KANSL1: variants seen among roughly 807,000 people sequenced by gnomAD.
KANSL1 encodes MLL1/MLL complex subunit KANSL1.
Under a neutral mutation model 103.6 loss-of-function variants are expected in KANSL1, and 22 were observed. That is an observed-to-expected ratio of 0.21 (90% CI 0.15 to 0.30). The LOEUF (loss-of-function observed/expected upper bound fraction) is 0.30, where lower values mean the gene tolerates loss of function less well. Ranked by LOEUF, KANSL1 falls within the 10% of genes least tolerant of loss-of-function variation. The pLI is 1.00. For synonymous variants in KANSL1, 600 were observed against 527.6 expected, an observed-to-expected ratio of 1.14 and a Z score of -1.88; for missense variants, 1,337 against 1,399.8, an observed-to-expected ratio of 0.96 and a Z score of 0.72.
In KANSL1 at chr17:46,034,294, T is replaced by A; in HGVS notation, c.2542-9A>T. 6.2e-7 allele frequency: 1 copy of A among 1,613,072 alleles called. No individual in the cohort carries two copies. The highest frequency in any genetic ancestry group is 8.5e-7 in the Non-Finnish European group (1 of 1,179,662). ...CTCCTTACTGGCTGCTGCTGTAAGA[T>A]AAAAATTAAGTTTAAAAGGAAGGTA... On this transcript the variant is annotated splice_polypyrimidine_tract_variant and intron_variant, in intron 10 of 14. Transcript: ENST00000432791.
At chr17:46,036,742 CG>C (rs1240303188) in intron 10 of KANSL1, among the ~76,000 whole-genome samples, 1 of 149,194 alleles carries the variant, frequency 6.7e-6, no homozygotes, top group Non-Finnish European at 1.5e-5. Context: ...TTTTTTGAGA[CG>C]AAGTCTTGCT....
At chr17:46,197,891 A>G (rs1306066592), upstream of KANSL1, among the ~76,000 whole-genome samples, 2 of 152,256 alleles carry the variant, frequency 1.3e-5, no homozygotes, top group Non-Finnish European at 2.9e-5. Context: ...AGAAATTCCT[A>G]AACAGAATAA....
chr17:46,192,926 G>A lies in KANSL1; in HGVS notation c.-193C>T, dbSNP rs1420433106. 2.6e-5 allele frequency: 4 copies of A among 151,030 alleles called. No homozygotes were observed. The highest frequency in any genetic ancestry group is 9.7e-5 in the African/African-American group (4 of 41,270). 9.4% of individuals were successfully genotyped at this position (151,030 alleles called of 1,614,324 possible). ...GCGCCGAGGGCCAGCGGCGGGCGGG[G>A]GCGCGCGACGGCGGCTCCGGCCCGG... On this transcript the variant is annotated 5_prime_UTR_variant, in exon 1 of 15. Coordinates refer to ENST00000432791, the MANE Select transcript of KANSL1 (RefSeq NM_015443.4).
Position 46,216,430 on chromosome 17 carries a change from C to G in KANSL1, c.-90+7241G>C, listed in dbSNP as rs151246086. On this transcript the variant is annotated intron_variant, in intron 1 of 14. Transcript: ENST00000572904. ...GCCTGGCCAACATGGTGAAACCCATCTCTACTAAAACTACAAAAATTAGCC... is the reference window on the plus strand; with the variant it reads ...GCCTGGCCAACATGGTGAAACCCATGTCTACTAAAACTACAAAAATTAGCC... Among the ~76,000 whole-genome samples the G allele has an allele frequency of 2.0e-5, 3 of 151,970 alleles. No homozygotes were observed. The East Asian group carries it at 5.9e-4, about 30-fold the overall frequency.
intron 6 of KANSL1, among the ~76,000 whole-genome samples, chr17:46,065,088 G>C (rs189392559): frequency 1.3e-5 from 2 of 150,992 alleles, no homozygotes; most frequent in Admixed American, 1.3e-4. Context: ...TGATCCTCCC[G>C]CCTCAGCCTC....
At chr17:46,047,594 G>A (rs2077556184) in intron 7 of KANSL1, among the ~76,000 whole-genome samples, 1 of 151,980 alleles carries the variant, frequency 6.6e-6, no homozygotes, top group South Asian at 2.1e-4. Flanking sequence ...AACCAGCCTG[G>A]GCAATATAGC....
chr17:46,138,226 T>C (rs1332608091), intron 2 of KANSL1, among the ~76,000 whole-genome samples: 1 of 152,202 alleles, frequency 6.6e-6, no homozygotes, highest in Non-Finnish European at 1.5e-5. Context: ...TTGAAGCATT[T>C]TGGGTTTCCA....
rs67725690 is a variant in KANSL1, at chr17:46,105,947, A to ACCCC, written c.1290-11250_1290-11247dup. ...CACACACACACACACACACACACAC[A>ACCCC]CCCCCCCAGAAGGGTGAAGGAGCAG... On this transcript the variant is annotated intron_variant, in intron 2 of 14. Transcript: ENST00000432791. Among the ~76,000 whole-genome samples, 3 of 57,864 alleles carry ACCCC rather than the reference A, an allele frequency of 5.2e-5. No homozygotes were observed. The East Asian group carries it at 8.3e-4, about 16-fold the overall frequency. The allele number at this position is 57,864 out of a possible 152,430, so 38.0% of individuals were successfully genotyped here. A position where few individuals can be genotyped will look rare whatever the true frequency, so the allele number is the denominator to read the frequency against.
intron 2 of KANSL1, chr17:46,121,337 T>C (rs2043270962): frequency 6.6e-6 from 1 of 152,430 alleles, no homozygotes; most frequent in Non-Finnish European, 1.5e-5. Flanking sequence ...AGTTCCCTTT[T>C]CTGTCTATGA....
At chr17:46,154,315 CT>C (rs2045296326) in intron 2 of KANSL1, among the ~76,000 whole-genome samples, 1 of 152,256 alleles carries the variant, frequency 6.6e-6, no homozygotes, top group Non-Finnish European at 1.5e-5. Flanking sequence ...ATATTCCCCC[CT>C]CAGGGTTGCA....
At chr17:46,055,943 G>A (rs916197858) in intron 6 of KANSL1, among the ~76,000 whole-genome samples, 6 of 151,976 alleles carry the variant, frequency 3.9e-5, no homozygotes, top group African/African-American at 1.5e-4. Flanking sequence ...AGAAGAAAAC[G>A]GCTGCATTTC....
At chr17:46,135,561 T>TG (rs1555561612) in intron 2 of KANSL1, among the ~76,000 whole-genome samples, 14,061 of 122,332 alleles carry the variant, frequency 0.11, no homozygotes, top group Middle Eastern at 0.18. Flanking sequence ...TTTTTTTTTT[T>TG]GAGACAGAGT....
chr17:46,038,729 A>T, intron 9 of KANSL1, 43 bp from the exon 10 acceptor site: 3 of 1,609,726 alleles, frequency 1.9e-6, no homozygotes, highest in Non-Finnish European at 2.5e-6. Flanking sequence ...TGGCTATCTT[A>T]ACCAGCGTTA....
chr17:46,154,566 G>A (rs62060860), intron 2 of KANSL1, among the ~76,000 whole-genome samples: 17,021 of 149,794 alleles, frequency 0.11, no homozygotes, highest in Non-Finnish European at 0.17. Context: ...ACAGGCCTAA[G>A]CCACCGTGCC....
intron 1 of KANSL1, among the ~76,000 whole-genome samples, chr17:46,210,542 T>C (rs953627776): frequency 7.9e-5 from 12 of 151,246 alleles, no homozygotes; most frequent in Admixed American, 6.6e-4. Flanking sequence ...TACTGTAGAC[T>C]GGACATAACT....
rs145522397 is a variant in KANSL1, at chr17:46,173,231, C to T, written c.-89-999G>A. Among the ~76,000 whole-genome samples, 375 of 152,320 alleles carry T rather than the reference C, an allele frequency of 2.5e-3. 7 individuals carry two copies. Among genetic ancestry groups the T allele is most frequent in the Admixed American group, 0.019 (294 of 15,300 alleles). ...AGGTCCCTTCTGCCCTCTTCTCTCT[C>T]AACAACCACTAGTATGGTGAGGTTT... is the stretch of plus-strand genomic sequence containing the variant. On this transcript the variant is annotated intron_variant, in intron 1 of 14. Transcript: ENST00000432791.
chr17:46,218,439 G>C (rs1166027943), intron 1 of KANSL1, among the ~76,000 whole-genome samples: 1 of 152,194 alleles, frequency 6.6e-6, no homozygotes, highest in Non-Finnish European at 1.5e-5. Context: ...GTATCACATA[G>C]CCAGAGCCCT....
At chr17:46,091,398 T>C (rs2079382460) in intron 3 of KANSL1, among the ~76,000 whole-genome samples, 1 of 152,184 alleles carries the variant, frequency 6.6e-6, no homozygotes, top group African/African-American at 2.4e-5. Context: ...TATAGTAAGC[T>C]AAGGTTAATT....
chr17:46,169,804 C>T (rs966340142), intron 2 of KANSL1, among the ~76,000 whole-genome samples: 1 of 152,158 alleles, frequency 6.6e-6, no homozygotes, highest in African/African-American at 2.4e-5. Context: ...AGGAATGAAA[C>T]GTCTCTGTCT....
Sources: gnomAD v4.1 joint callset for allele counts (sites outside exome capture counted in the v4.1 genomes callset) on GRCh38, gnomAD v4.1.1 for gene constraint, MANE v1.5 for transcripts, NCBI Gene and HGNC (gene_info 2026-07-23, HGNC 2026-07-21) for gene names.